The following ERG variants were observed in gnomAD, a reference collection of about 807,000 sequenced individuals.
The protein encoded by ERG is transcriptional regulator ERG.
ERG carries 9 observed loss-of-function variants against 55.3 expected under a neutral mutation model. That is an observed-to-expected ratio of 0.16 (90% CI 0.10 to 0.28). The LOEUF (loss-of-function observed/expected upper bound fraction) is 0.28, where lower values mean the gene tolerates loss of function less well. Ranked by LOEUF, ERG falls within the 10% of genes least tolerant of loss-of-function variation. ERG has a pLI of 1.00. For synonymous variants in ERG, 223 were observed against 237.3 expected, an observed-to-expected ratio of 0.94 and a Z score of 0.55; for missense variants, 434 against 631.6, an observed-to-expected ratio of 0.69 and a Z score of 3.35.
chr21:38,427,051 C>T (rs1355145719), intron 2 of ERG, among the ~76,000 whole-genome samples: 1 of 152,106 alleles, frequency 6.6e-6, no homozygotes, highest in Non-Finnish European at 1.5e-5. Flanking sequence ...GACAAGAACT[C>T]TAGGCATAGA....
chr21:38,602,310 C>T (rs559144135), intron 1 of ERG, among the ~76,000 whole-genome samples: 59 of 151,516 alleles, frequency 3.9e-4, no homozygotes, highest in Non-Finnish European at 7.1e-4. Flanking sequence ...CTGGGCATGG[C>T]GATGGGTGCC....
rs140826744 is a variant in ERG at position 38,644,561 on chromosome 21, G to A, written c.-150+17097C>T. Among the ~76,000 whole-genome samples the A allele has an allele frequency of 2.6e-3, 395 of 152,294 alleles. 4 individuals are homozygous for A. Among genetic ancestry groups the A allele is most frequent in the African/African-American group, 8.7e-3 (361 of 41,560 alleles). ...TTTCTACCTAGAGAATTAGCAAAGG[G>A]TGAAATTTGGTATGACAGGGGTCTT... On this transcript the variant is annotated intron_variant, in intron 1 of 10. Coordinates refer to the ERG transcript ENST00000398910.
At chr21:38,384,691 A>C (rs1273737686) in intron 9 of ERG, among the ~76,000 whole-genome samples, 2 of 152,220 alleles carry the variant, frequency 1.3e-5, no homozygotes, top group Admixed American at 6.5e-5. Flanking sequence ...TAGGAAATGA[A>C]CTTCTAAAAG....
At chr21:38,596,980 A>G (rs545711682) in intron 1 of ERG, among the ~76,000 whole-genome samples, 10 of 152,340 alleles carry the variant, frequency 6.6e-5, no homozygotes, top group Admixed American at 5.9e-4. Flanking sequence ...ACTCTTGTGT[A>G]GGTAATCTGA....
intron 1 of ERG, among the ~76,000 whole-genome samples, chr21:38,605,056 A>G (rs76709005): frequency 0.013 from 1,968 of 152,254 alleles, 52 homozygotes; most frequent in African/African-American, 0.044. Flanking sequence ...CAGCTTCCAC[A>G]CAGTTGTAGA....
upstream of ERG, among the ~76,000 whole-genome samples, chr21:38,588,084 G>A (rs755827075): frequency 2.6e-5 from 4 of 152,292 alleles, no homozygotes; most frequent in Admixed American, 6.5e-5. Flanking sequence ...AAGATGTCAC[G>A]AAGTCCACGA....
At chr21:38,457,485 T>G (rs2059001584) in intron 1 of ERG, among the ~76,000 whole-genome samples, 1 of 151,756 alleles carries the variant, frequency 6.6e-6, no homozygotes, top group Non-Finnish European at 1.5e-5. Context: ...TGCAGAGTCA[T>G]TCATATCCAA....
At chr21:38,636,067 C>T (rs1338061407) in intron 1 of ERG, among the ~76,000 whole-genome samples, 5 of 151,614 alleles carry the variant, frequency 3.3e-5, no homozygotes, top group Admixed American at 3.3e-4. Context: ...TCTTGCTGTT[C>T]TCAAGATAGT....
At chr21:38,623,979 T>C (rs541747364) in intron 1 of ERG, among the ~76,000 whole-genome samples, 15 of 152,196 alleles carry the variant, frequency 9.9e-5, no homozygotes, top group African/African-American at 3.4e-4. Context: ...TAATCACATA[T>C]CAAATAAGAA....
chr21:38,622,068 C>T (rs903885349), intron 1 of ERG, among the ~76,000 whole-genome samples: 3 of 152,240 alleles, frequency 2.0e-5, no homozygotes, highest in African/African-American at 7.2e-5. Context: ...CCCAGCTGTC[C>T]CAGGACATGC....
intron 1 of ERG, among the ~76,000 whole-genome samples, chr21:38,619,246 C>T (rs1188818770): frequency 6.6e-6 from 1 of 152,206 alleles, no homozygotes; most frequent in East Asian, 1.9e-4. Context: ...TTACAGCCCA[C>T]ACACCTGGTA....
chr21:38,520,981 G>A (rs955339069), intron 2 of ERG, among the ~76,000 whole-genome samples: 5 of 152,132 alleles, frequency 3.3e-5, no homozygotes, highest in Non-Finnish European at 5.9e-5. Context: ...GTTTATAGAT[G>A]GTTTTTAAGC....
intron 2 of ERG, among the ~76,000 whole-genome samples, chr21:38,575,426 G>A (rs528468248): frequency 6.6e-6 from 1 of 152,198 alleles, no homozygotes; most frequent in Non-Finnish European, 1.5e-5. Context: ...AATGCATGGG[G>A]CTGTGTTCCA....
intron 9 of ERG, among the ~76,000 whole-genome samples, chr21:38,390,636 T>A (rs1300300887): frequency 6.6e-6 from 1 of 152,098 alleles, no homozygotes; most frequent in African/African-American, 2.4e-5. Flanking sequence ...GACAGATCCC[T>A]CCCTCACAGC....
chr21:38,524,149 G>A (rs2059614121), intron 2 of ERG, among the ~76,000 whole-genome samples: 2 of 152,304 alleles, frequency 1.3e-5, no homozygotes, highest in East Asian at 1.9e-4. Context: ...GCTAGACAGT[G>A]ACACACTGCC....
At chr21:38,506,911 G>A (rs1436595404) in intron 2 of ERG, among the ~76,000 whole-genome samples, 1 of 152,154 alleles carries the variant, frequency 6.6e-6, no homozygotes, top group African/African-American at 2.4e-5. Context: ...GTGTTCTACA[G>A]AAGGATAATT....
chr21:38,375,788 G>A (rs1047575305), downstream of ERG, among the ~76,000 whole-genome samples: 2 of 152,218 alleles, frequency 1.3e-5, no homozygotes, highest in East Asian at 1.9e-4. Flanking sequence ...AGGAGTCACA[G>A]GGTCCTTTTA....
intron 1 of ERG, among the ~76,000 whole-genome samples, chr21:38,632,279 C>T (rs1325344486): frequency 3.3e-5 from 5 of 152,146 alleles, no homozygotes; most frequent in African/African-American, 9.7e-5. Flanking sequence ...TGCTCAATGT[C>T]ACTAATCATC....
intron 1 of ERG, among the ~76,000 whole-genome samples, chr21:38,593,954 AAAGAAAAAAG>A (rs1467070708): frequency 6.6e-6 from 1 of 151,474 alleles, no homozygotes; most frequent in Non-Finnish European, 1.5e-5. Context: ...TTAAAAGCAT[AAAGAAAAAAG>A]AAGAAAAAAT....
Sources: allele counts gnomAD v4.1 joint callset (sites outside exome capture counted in the v4.1 genomes callset), GRCh38; gene constraint gnomAD v4.1.1; transcripts MANE v1.5; gene names NCBI Gene and HGNC (gene_info 2026-07-23, HGNC 2026-07-21).